RFPL4A: variants seen among roughly 807,000 people sequenced by gnomAD.
RFPL4A encodes the protein ret finger protein-like 4A.
RFPL4A carries 4 observed loss-of-function variants against 8.3 expected under a neutral mutation model. That is an observed-to-expected ratio of 0.48 (90% CI 0.24 to 1.10). The LOEUF (loss-of-function observed/expected upper bound fraction) is 1.10. Ranked by LOEUF, RFPL4A falls within the 50% of genes least tolerant of loss-of-function variation. The pLI is 0.18. For synonymous variants in RFPL4A, 43 were observed against 136.6 expected, an observed-to-expected ratio of 0.31 and a Z score of 4.78; for missense variants, 111 against 358.7, an observed-to-expected ratio of 0.31 and a Z score of 5.58.
In RFPL4A at chr19:55,759,140, C is replaced by G. The variant is rs907348151; in HGVS notation, c.-45C>G. 1 of 151,210 alleles carries G rather than the reference C, an allele frequency of 6.6e-6. No homozygotes were observed. Among genetic ancestry groups the G allele is most frequent in the Non-Finnish European group, 1.5e-5 (1 of 67,082 alleles). 9.4% of individuals were successfully genotyped at this position (151,210 alleles called of 1,614,324 possible). On this transcript the variant is annotated 5_prime_UTR_variant, in exon 1 of 3. Transcript: ENST00000434937. ...TCCAGATCTGAGCTGTCCGCAGAAG[C>G]AGCTGGAGGCCAGGGGAGAAACTCC...
At position 55,760,267 on chromosome 19, in the gene RFPL4A, G is replaced by A. The variant is rs536451772; in HGVS notation, c.-10+1092G>A. Among the ~76,000 whole-genome samples the A allele has an allele frequency of 1.6e-3, 245 of 151,478 alleles. 4 individuals carry two copies. The highest frequency in any genetic ancestry group is 5.1e-3 in the African/African-American group (208 of 41,104). ...GGGGTTAATATCTCATCGCGGTTTTGTTGCTGGAGGGCTCAGGAGGCTCTC... is the reference window on the plus strand; with the variant it reads ...GGGGTTAATATCTCATCGCGGTTTTATTGCTGGAGGGCTCAGGAGGCTCTC... On this transcript the variant is annotated intron_variant, in intron 1 of 2. Transcript: ENST00000434937.
In RFPL4A at chr19:55,762,161, A is replaced by G. The variant is rs1338338216; in HGVS notation, c.286+75A>G. The G allele has an allele frequency of 2.7e-6, 4 of 1,491,010 alleles. No individual in the cohort carries two copies. The South Asian group carries it at 4.9e-5, about 18-fold the overall frequency. 92.4% of individuals were successfully genotyped at this position (1,491,010 alleles called of 1,614,324 possible). A position where few individuals can be genotyped will look rare whatever the true frequency, so the allele number is the denominator to read the frequency against. On this transcript the variant is annotated intron_variant, in intron 2 of 2. Transcript: ENST00000434937. ...TGTCTTTCAAACATTTCTTCATTAA[A>G]CATAGGCATTAGCAGGATATCTAGC...
upstream of RFPL4A, among the ~76,000 whole-genome samples, chr19:55,758,478 T>C (rs1989217313): frequency 6.6e-6 from 1 of 151,866 alleles, no homozygotes; most frequent in East Asian, 1.9e-4. Context: ...GAAATGAATC[T>C]CATTTTACTT....
chr19:55,758,425 T>C (rs1228451331), upstream of RFPL4A, among the ~76,000 whole-genome samples: 1 of 152,072 alleles, frequency 6.6e-6, no homozygotes, highest in African/African-American at 2.4e-5. Flanking sequence ...ACCTATAATA[T>C]ATTTAATACA....
In RFPL4A at chr19:55,760,709, A is replaced by G. The variant is rs1027719351; in HGVS notation, c.-9-1083A>G. Among the ~76,000 whole-genome samples, 22 of 151,708 alleles carry G rather than the reference A, an allele frequency of 1.5e-4. 2 individuals carry two copies. The highest frequency in any genetic ancestry group is 5.3e-4 in the African/African-American group (22 of 41,312). On this transcript the variant is annotated intron_variant, in intron 1 of 2. Coordinates refer to ENST00000434937, the MANE Select transcript of RFPL4A (RefSeq NM_001145014.2). ...ACTCCCTCCGGTTTTTTATCACCTC[A>G]TGAGCCCAGGTTCCTCCTTGTCCTT...
chr19:55,761,248 A>G (rs1175940453), intron 1 of RFPL4A, among the ~76,000 whole-genome samples: 1 of 139,422 alleles, frequency 7.2e-6, no homozygotes, highest in African/African-American at 2.6e-5. Flanking sequence ...GCACTGTCCA[A>G]TAGAAACATA....
At chr19:55,760,944 A>G (rs1363306724) in intron 1 of RFPL4A, among the ~76,000 whole-genome samples, 1 of 150,330 alleles carries the variant, frequency 6.7e-6, no homozygotes, top group Non-Finnish European at 1.5e-5. Context: ...TCTATTCAGG[A>G]TTCTGCCCAT....
At chr19:55,759,085 G>A (rs1989231679), upstream of RFPL4A, 1 of 143,096 alleles carries the variant, frequency 7.0e-6, no homozygotes, top group East Asian at 1.9e-4. Flanking sequence ...ACACCCTCTG[G>A]TATAAAAGCC....
intron 1 of RFPL4A, among the ~76,000 whole-genome samples, chr19:55,760,655 T>C (rs1250067777): frequency 1.3e-5 from 2 of 151,580 alleles, no homozygotes; most frequent in Non-Finnish European, 1.5e-5. Context: ...ACCACGGTCA[T>C]TACTGTGGCA....
At chr19:55,760,392 A>C (rs1410515062) in intron 1 of RFPL4A, among the ~76,000 whole-genome samples, 1 of 151,580 alleles carries the variant, frequency 6.6e-6, no homozygotes, top group African/African-American at 2.4e-5. Flanking sequence ...AAAGGCAAGA[A>C]GTTTTTATTC....
At chr19:55,759,564 T>G (rs1173498778) in intron 1 of RFPL4A, among the ~76,000 whole-genome samples, 1 of 151,842 alleles carries the variant, frequency 6.6e-6, no homozygotes, top group Non-Finnish European at 1.5e-5. Context: ...TTTGTTCAGT[T>G]TTTTGTTCCT....
chr19:55,757,862 C>T (rs931694111), upstream of RFPL4A, among the ~76,000 whole-genome samples: 1 of 151,380 alleles, frequency 6.6e-6, no homozygotes, highest in African/African-American at 2.4e-5. Context: ...CTGGTATTCC[C>T]AAAGAGAACA....
chr19:55,757,454 G>A (rs1221921032), upstream of RFPL4A, among the ~76,000 whole-genome samples: 1 of 152,112 alleles, frequency 6.6e-6, no homozygotes, highest in Non-Finnish European at 1.5e-5. Flanking sequence ...ATTTACGTCA[G>A]CTTCTGTGAC....
chr19:55,760,765 C>A lies in RFPL4A; in HGVS notation c.-9-1027C>A, dbSNP rs927987568. On this transcript the variant is annotated intron_variant, in intron 1 of 2. Coordinates refer to ENST00000434937, the MANE Select transcript of RFPL4A (RefSeq NM_001145014.2). ...TTTAATGACAAGTGGCTAATTTTAA[C>A]AGCCACTGTTTTGGTCCTATGTGAA... 4.1e-4 allele frequency among the ~76,000 whole-genome samples: 62 copies of A among 151,638 alleles called. 3 individuals are homozygous for A. Among genetic ancestry groups the A allele is most frequent in the African/African-American group, 2.9e-4 (12 of 41,262 alleles).
At chr19:55,759,439 C>T (rs371253655) in intron 1 of RFPL4A, among the ~76,000 whole-genome samples, 9 of 151,822 alleles carry the variant, frequency 5.9e-5, no homozygotes, top group African/African-American at 1.2e-4. Flanking sequence ...GACAGAGGTT[C>T]GGTGGCTGCG....
upstream of RFPL4A, among the ~76,000 whole-genome samples, chr19:55,758,218 C>T (rs537162391): frequency 2.4e-4 from 37 of 152,356 alleles, no homozygotes; most frequent in African/African-American, 8.9e-4. Flanking sequence ...TCTCCATTTG[C>T]CTTCATGAGA....
chr19:55,759,439 C>G (rs371253655), intron 1 of RFPL4A, among the ~76,000 whole-genome samples: 1 of 151,710 alleles, frequency 6.6e-6, no homozygotes, highest in South Asian at 2.1e-4. Flanking sequence ...GACAGAGGTT[C>G]GGTGGCTGCG....
At chr19:55,761,708 A>T in intron 1 of RFPL4A, 84 bp from the exon 2 acceptor site, 10 of 1,464,052 alleles carry the variant, frequency 6.8e-6, no homozygotes, top group Non-Finnish European at 9.2e-6. Flanking sequence ...AGCTCCATGC[A>T]TGTAAAGATA....
upstream of RFPL4A, chr19:55,758,971 A>C (rs2161475): frequency 6.6e-3 from 933 of 142,422 alleles, 1 homozygote; most frequent in Middle Eastern, 9.5e-3. Flanking sequence ...TCTTCCTTTA[A>C]GGTAAAAACC....
Sources: allele counts gnomAD v4.1 joint callset (sites outside exome capture counted in the v4.1 genomes callset), GRCh38; gene constraint gnomAD v4.1.1; transcripts MANE v1.5; gene names NCBI Gene and HGNC (gene_info 2026-07-23, HGNC 2026-07-21).